Variants in RMST observed in about 807,000 individuals in gnomAD.
RMST encodes the protein rhabdomyosarcoma 2 associated transcript.
chr12:97,497,101 C>T (rs553990177), intron 10 of RMST, among the ~76,000 whole-genome samples: 1 of 152,272 alleles, frequency 6.6e-6, no homozygotes, highest in Non-Finnish European at 1.5e-5. Context: ...TATAAACCTG[C>T]TTTGCTTGGT....
At chr12:97,474,931 A>G (rs139697589) in intron 5 of RMST, among the ~76,000 whole-genome samples, 1 of 152,304 alleles carries the variant, frequency 6.6e-6, no homozygotes, top group African/African-American at 2.4e-5. Context: ...CAGTGTACTC[A>G]TTCATAATAA....
chr12:97,531,811 T>G (rs763735802), intron 11 of RMST, among the ~76,000 whole-genome samples: 2 of 152,002 alleles, frequency 1.3e-5, no homozygotes, highest in African/African-American at 4.8e-5. Context: ...CCATTACTAT[T>G]GTCTTTTGTG....
At chr12:97,490,575 T>C (rs1304636869) in intron 5 of RMST, among the ~76,000 whole-genome samples, 1 of 152,140 alleles carries the variant, frequency 6.6e-6, no homozygotes, top group Non-Finnish European at 1.5e-5. Context: ...GCTATTTCAT[T>C]ATCATCACCA....
At chr12:97,547,549 A>G (rs1592783756) in intron 11 of RMST, among the ~76,000 whole-genome samples, 1 of 151,956 alleles carries the variant, frequency 6.6e-6, no homozygotes, top group African/African-American at 2.4e-5. Flanking sequence ...ATCCAAAACA[A>G]CCCTTGTTGT....
chr12:97,526,579 A>G (rs1237003473), intron 10 of RMST, among the ~76,000 whole-genome samples: 1 of 152,202 alleles, frequency 6.6e-6, no homozygotes, highest in Non-Finnish European at 1.5e-5. Flanking sequence ...TCTCTAAGCA[A>G]TGGGGAAAAA....
chr12:97,540,941 G>GATAGAT (rs11269215), intron 11 of RMST, among the ~76,000 whole-genome samples: 62,483 of 145,330 alleles, frequency 0.43, 14,958 homozygotes, highest in Middle Eastern at 0.6. Context: ...TAGAGAGATA[G>GATAGAT]ATAGATATAG....
intron 11 of RMST, among the ~76,000 whole-genome samples, chr12:97,544,564 G>A (rs897986860): frequency 3.9e-5 from 6 of 152,000 alleles, no homozygotes; most frequent in Non-Finnish European, 7.4e-5. Context: ...TGTACTGGGG[G>A]AATCGAGTTC....
At chr12:97,512,019 T>C (rs184623002) in intron 10 of RMST, among the ~76,000 whole-genome samples, 33 of 152,324 alleles carry the variant, frequency 2.2e-4, no homozygotes, top group Admixed American at 5.2e-4. Context: ...TTACAGTTCT[T>C]AAAGGTGGCG....
chr12:97,532,988 A>G (rs1205737022), intron 11 of RMST: 3 of 151,842 alleles, frequency 2.0e-5, no homozygotes, highest in African/African-American at 7.2e-5. Flanking sequence ...CATTCAAATA[A>G]TAATAAGAAG....
At chr12:97,535,591 C>T (rs527802431) in intron 11 of RMST, among the ~76,000 whole-genome samples, 16 of 151,760 alleles carry the variant, frequency 1.1e-4, no homozygotes, top group African/African-American at 3.6e-4. Context: ...GATAGCTAGT[C>T]AGTGGCACAG....
At chr12:97,540,572 CTAAATTCA>C (rs1440279356) in intron 11 of RMST, among the ~76,000 whole-genome samples, 1 of 151,546 alleles carries the variant, frequency 6.6e-6, no homozygotes, top group Non-Finnish European at 1.5e-5. Context: ...ACGGGCAGAC[CTAAATTCA>C]AATTTTGCCT....
chr12:97,510,282 G>A (rs1879141233), intron 10 of RMST, among the ~76,000 whole-genome samples: 1 of 152,104 alleles, frequency 6.6e-6, no homozygotes, highest in African/African-American at 2.4e-5. Flanking sequence ...ACAATAGATA[G>A]AGGCATAGAA....
intron 5 of RMST, among the ~76,000 whole-genome samples, chr12:97,490,364 C>G (rs558318766): frequency 6.6e-6 from 1 of 152,340 alleles, no homozygotes; most frequent in East Asian, 1.9e-4. Flanking sequence ...CCAGACTGCA[C>G]AGATTCAAAT....
intron 5 of RMST, among the ~76,000 whole-genome samples, chr12:97,485,504 G>T (rs1330899020): frequency 6.6e-6 from 1 of 152,134 alleles, no homozygotes; most frequent in Non-Finnish European, 1.5e-5. Flanking sequence ...ATTTCCTCTA[G>T]ATTTCTGTTT....
intron 11 of RMST, among the ~76,000 whole-genome samples, chr12:97,559,803 G>C (rs191919307): frequency 6.6e-6 from 1 of 151,980 alleles, no homozygotes; most frequent in Admixed American, 6.6e-5. Context: ...AAACTATTAC[G>C]CATAATGAAC....
chr12:97,498,126 A>G (rs939786908), intron 10 of RMST, among the ~76,000 whole-genome samples: 4 of 152,214 alleles, frequency 2.6e-5, no homozygotes, highest in Non-Finnish European at 4.4e-5. Flanking sequence ...AAGCAAAACC[A>G]TTTTTAATTG....
chr12:97,536,060 C>G (rs951104595), intron 11 of RMST, among the ~76,000 whole-genome samples: 4 of 151,336 alleles, frequency 2.6e-5, no homozygotes, highest in African/African-American at 7.3e-5. Flanking sequence ...TCTGTCCTAC[C>G]TCATATGGTT....
intron 10 of RMST, among the ~76,000 whole-genome samples, chr12:97,500,736 C>T (rs1877997426): frequency 6.6e-6 from 1 of 152,156 alleles, no homozygotes; most frequent in African/African-American, 2.4e-5. Flanking sequence ...CCACATAGCT[C>T]TATGTGGAAG....
intron 10 of RMST, among the ~76,000 whole-genome samples, chr12:97,503,180 C>T (rs966205367): frequency 2.0e-5 from 3 of 152,126 alleles, no homozygotes; most frequent in Non-Finnish European, 4.4e-5. Context: ...ATTTTAATTT[C>T]CTTCTTCTCC....
Sources: gnomAD v4.1 joint callset for allele counts (sites outside exome capture counted in the v4.1 genomes callset) on GRCh38, gnomAD v4.1.1 for gene constraint, MANE v1.5 for transcripts, NCBI Gene and HGNC (gene_info 2026-07-23, HGNC 2026-07-21) for gene names.